EMX2: variants seen among roughly 807,000 people sequenced by gnomAD.
The protein encoded by EMX2 is empty spiracles homeobox 2.
EMX2 carries 6 observed loss-of-function variants against 23.0 expected under a neutral mutation model. That is an observed-to-expected ratio of 0.26 (90% confidence interval 0.14 to 0.52). EMX2 has a LOEUF of 0.52. Ranked by LOEUF, EMX2 falls within the 20% of genes least tolerant of loss-of-function variation. The pLI, the probability that EMX2 is intolerant of heterozygous loss-of-function variation, is 0.97. For synonymous variants in EMX2, 175 were observed against 153.3 expected, an observed-to-expected ratio of 1.14 and a Z score of -1.04; for missense variants, 302 against 341.4, an observed-to-expected ratio of 0.88 and a Z score of 0.91.
intron 2 of EMX2, among the ~76,000 whole-genome samples, chr10:117,547,118 AG>A (rs1215626209): frequency 6.6e-6 from 1 of 152,098 alleles, no homozygotes; most frequent in African/African-American, 2.4e-5. Flanking sequence ...CCCACGACTC[AG>A]CTTTCCTAGG....
chr10:117,548,020 G>C, intron 2 of EMX2, 45 bp from the exon 3 acceptor site: 1 of 1,576,310 alleles, frequency 6.3e-7, no homozygotes, highest in Non-Finnish European at 8.6e-7. Context: ...TGATAGAAGG[G>C]TGCTCTGAAA....
In EMX2 at chr10:117,543,397, A is replaced by T; in HGVS notation, c.130A>T (p.Ile44Leu). ...AALSYANSSPINPFLNGFHSA... is the reference protein window; with the variant it reads ...AALSYANSSPLNPFLNGFHSA... ...ACTCAGCTACGCTAACTCCAGCCCC[A>T]TAAATCCGTTCCTCAACGGCTTCCA... The change falls in exon 1 of 3, where the codon ATA becomes TTA. Residue 44 changes from isoleucine (I) to leucine (L), a missense_variant. Transcript: ENST00000553456. 1 of 1,586,278 alleles carries T rather than the reference A, an allele frequency of 6.3e-7. No homozygotes were observed. Among genetic ancestry groups the T allele is most frequent in the Non-Finnish European group, 8.6e-7 (1 of 1,167,268 alleles).
intron 2 of EMX2, 103 bp downstream of exon 2, chr10:117,545,919 C>T: frequency 5.3e-6 from 8 of 1,495,862 alleles, no homozygotes; most frequent in East Asian, 2.4e-5. Context: ...GAGGGCCTTC[C>T]GCACAGGTCC....
chr10:117,547,430 C>A (rs1374709629), intron 2 of EMX2, among the ~76,000 whole-genome samples: 1 of 152,212 alleles, frequency 6.6e-6, no homozygotes, highest in East Asian at 1.9e-4. Context: ...GAGGCCTACA[C>A]ACTCCATGTC....
intron 2 of EMX2, among the ~76,000 whole-genome samples, chr10:117,547,640 G>A (rs1846598111): frequency 6.6e-6 from 1 of 152,268 alleles, no homozygotes; most frequent in Non-Finnish European, 1.5e-5. Flanking sequence ...AGCAGCGGCG[G>A]ACTGAGGTCT....
intron 2 of EMX2, among the ~76,000 whole-genome samples, chr10:117,546,321 A>G (rs1476003006): frequency 6.6e-6 from 1 of 152,120 alleles, no homozygotes; most frequent in African/African-American, 2.4e-5. Context: ...TCCTGTGTGT[A>G]CCCTATATCA....
chr10:117,546,929 G>A (rs1003625352), intron 2 of EMX2, among the ~76,000 whole-genome samples: 3 of 152,238 alleles, frequency 2.0e-5, no homozygotes, highest in Admixed American at 6.5e-5. Flanking sequence ...CCTCAAAGGA[G>A]GGAATGGAAT....
intron 1 of EMX2, 102 bp from the exon 2 acceptor site, chr10:117,545,530 G>C: frequency 6.9e-7 from 1 of 1,446,786 alleles, no homozygotes; most frequent in Non-Finnish European, 9.4e-7. Flanking sequence ...GCGGCTATGC[G>C]AAGGCCCTGA....
Position 117,543,033 on chromosome 10 carries a change from T to G in EMX2, c.-235T>G. Reference sequence around the variant, plus strand: ...CCCCCCTCTCTTCAGGTTGGGCGCGTTTGGTGCAAGATTCTCGGGATCCTC... The same window carrying G: ...CCCCCCTCTCTTCAGGTTGGGCGCGGTTGGTGCAAGATTCTCGGGATCCTC... On this transcript the variant is annotated 5_prime_UTR_variant, in exon 1 of 3. Coordinates refer to ENST00000553456, the MANE Select transcript of EMX2 (RefSeq NM_004098.4). 7.2e-6 allele frequency: 3 copies of G among 418,772 alleles called. No individual in the cohort carries two copies. Among genetic ancestry groups the G allele is most frequent in the East Asian group, 4.8e-5 (1 of 20,832 alleles). 25.9% of individuals were successfully genotyped at this position (418,772 alleles called of 1,614,324 possible). A position where few individuals can be genotyped will look rare whatever the true frequency, so the allele number is the denominator to read the frequency against.
intron 1 of EMX2, 64 bp from the exon 2 acceptor site, chr10:117,545,568 G>T: frequency 6.2e-7 from 1 of 1,603,290 alleles, no homozygotes; most frequent in Non-Finnish European, 8.5e-7. Context: ...CCCGGCTCGG[G>T]AGAAGTGCGC....
intron 1 of EMX2, 64 bp from the exon 2 acceptor site, chr10:117,545,568 G>A: frequency 6.2e-7 from 1 of 1,603,290 alleles, no homozygotes; most frequent in South Asian, 1.1e-5. Flanking sequence ...CCCGGCTCGG[G>A]AGAAGTGCGC....
intron 1 of EMX2, 147 bp downstream of exon 1, chr10:117,543,820 C>G: frequency 7.7e-7 from 1 of 1,299,774 alleles, no homozygotes; most frequent in Non-Finnish European, 1.1e-6. Flanking sequence ...AACTAGGCGG[C>G]GCGGGGCCGG....
At chr10:117,543,822 CG>C in intron 1 of EMX2, 149 bp downstream of exon 1, 1 of 1,262,164 alleles carries the variant, frequency 7.9e-7, no homozygotes, top group Admixed American at 2.0e-5. Flanking sequence ...CTAGGCGGCG[CG>C]GGGCCGGGCG....
chr10:117,543,413 A>G lies in EMX2; in HGVS notation c.146A>G (p.Asn49Ser). The G allele has an allele frequency of 1.9e-6, 3 of 1,592,906 alleles. No individual in the cohort carries two copies. The highest frequency in any genetic ancestry group is 2.6e-6 in the Non-Finnish European group (3 of 1,170,734). ...ANSSPINPFL[N>S]GFHSAAAAAA... ...TCCAGCCCCATAAATCCGTTCCTCA[A>G]CGGCTTCCACTCGGCCGCCGCCGCC... The change falls in exon 1 of 3, where the codon AAC becomes AGC. Residue 49 changes from asparagine to serine, a missense_variant. Asn to Ser is a conservative substitution (Grantham distance 46). This residue lies in a region of EMX2 where 221 missense variants were observed against 206.8 expected (regional missense o/e 1.07). Coordinates refer to ENST00000553456, the MANE Select transcript of EMX2 (RefSeq NM_004098.4).
chr10:117,548,596 AG>A lies in EMX2; in HGVS notation c.*368del. 1 of 504,024 alleles carries A rather than the reference AG, an allele frequency of 2.0e-6. No homozygotes were observed. The highest frequency in any genetic ancestry group is 3.1e-5 in the East Asian group (1 of 32,300). 31.2% of individuals were successfully genotyped at this position (504,024 alleles called of 1,614,324 possible). A position where few individuals can be genotyped will look rare whatever the true frequency, so the allele number is the denominator to read the frequency against. ...AGAAAGCTGAACGTGCACTCTGACA[AG>A]GGGAGCTGTCAATCAAACACCAAAC... On this transcript the variant is annotated 3_prime_UTR_variant, in exon 3 of 3. Coordinates refer to ENST00000553456, the MANE Select transcript of EMX2 (RefSeq NM_004098.4).
At chr10:117,546,513 A>T (rs376311431) in intron 2 of EMX2, among the ~76,000 whole-genome samples, 180 of 133,610 alleles carry the variant, frequency 1.3e-3, no homozygotes, top group African/African-American at 5.0e-3. Flanking sequence ...GCAAACAGTA[A>T]CGTTTTTTTG....
chr10:117,543,026 G>A lies in EMX2; in HGVS notation c.-242G>A, dbSNP rs1263294994. On this transcript the variant is annotated 5_prime_UTR_variant, in exon 1 of 3. Coordinates refer to ENST00000553456, the MANE Select transcript of EMX2 (RefSeq NM_004098.4). ...GGATTTTCCCCCCTCTCTTCAGGTT[G>A]GGCGCGTTTGGTGCAAGATTCTCGG... 4.1e-6 allele frequency: 2 copies of A among 484,746 alleles called. No homozygotes were observed. Among genetic ancestry groups the A allele is most frequent in the Non-Finnish European group, 7.1e-6 (2 of 282,728 alleles). 30.0% of individuals were successfully genotyped at this position (484,746 alleles called of 1,614,324 possible). A position where few individuals can be genotyped will look rare whatever the true frequency, so the allele number is the denominator to read the frequency against.
intron 1 of EMX2, chr10:117,544,401 T>G (rs1846545690): frequency 6.6e-6 from 1 of 150,670 alleles, no homozygotes; most frequent in Non-Finnish European, 1.5e-5. Flanking sequence ...AAAAAGAACC[T>G]GGTCAGGAAA....
rs996352481 is a variant in EMX2 at position 117,548,624 on chromosome 10, G to C, written c.*392G>C. On this transcript the variant is annotated 3_prime_UTR_variant, in exon 3 of 3. Coordinates refer to ENST00000553456, the MANE Select transcript of EMX2 (RefSeq NM_004098.4). Reference sequence around the variant, plus strand: ...GGAGCTGTCAATCAAACACCAAACCGGGGAGACAAGATGATTGGCAGGTAT... The same window carrying C: ...GGAGCTGTCAATCAAACACCAAACCCGGGAGACAAGATGATTGGCAGGTAT... 1.9e-5 allele frequency: 9 copies of C among 471,670 alleles called. No homozygotes were observed. Among genetic ancestry groups the C allele is most frequent in the African/African-American group, 1.6e-4 (8 of 50,270 alleles). 29.2% of individuals were successfully genotyped at this position (471,670 alleles called of 1,614,324 possible).
Sources: gnomAD v4.1 joint callset for allele counts (sites outside exome capture counted in the v4.1 genomes callset) on GRCh38, gnomAD v4.1.1 for gene constraint, gnomAD v4.1.1 regional missense constraint, MANE v1.5 for transcripts, NCBI Gene and HGNC (gene_info 2026-07-23, HGNC 2026-07-21) for gene names.